The following NAA16 variants were observed in gnomAD, a reference collection of about 807,000 sequenced individuals.
NAA16 encodes NARG1-like protein.
Under a neutral mutation model 110.3 loss-of-function variants are expected in NAA16, and 97 were observed. The ratio of observed to expected loss-of-function variants is 0.88; its 90% CI spans 0.75 to 1.04. The LOEUF (loss-of-function observed/expected upper bound fraction) is 1.04, where lower values mean the gene tolerates loss of function less well. NAA16 is among the 50% of genes least tolerant of loss of function. The pLI is 0.00. For synonymous variants in NAA16, 372 were observed against 330.6 expected (o/e 1.13, Z -1.36); for missense variants, 1,017 against 1,005.1 (o/e 1.01, Z -0.16).
At chr13:41,362,202 A>AT (rs1160375508) in intron 13 of NAA16, 43 bp downstream of exon 13, 1 of 1,557,464 alleles carries the variant, frequency 6.4e-7, no homozygotes, top group East Asian at 2.3e-5. Flanking sequence ...CTGTAAGGTG[A>AT]TAAAAAGCAG....
Position 41,367,585 on chromosome 13 carries a change from T to C in NAA16, c.1686T>C (p.Ile562=), listed in dbSNP as rs2043231929. 7.4e-6 allele frequency: 12 copies of C among 1,613,340 alleles called. No individual in the cohort carries two copies. The highest frequency in any genetic ancestry group is 1.0e-5 in the Non-Finnish European group (12 of 1,179,688). ...ATTTCAAGGCTGCTAGATCAGCGAT[T>C]GAAATATACTTGAAATTGTATGATA... ...AFYFKAARSA[I]EIYLKLYDNP... is the part of the protein sequence containing the mutation. Residue 562 remains isoleucine, a synonymous_variant, in exon 14 of 20, where the codon ATT becomes ATC. Coordinates refer to ENST00000379406, the MANE Select transcript of NAA16 (RefSeq NM_024561.5).
At chr13:41,322,263 A>G (rs975601233) in intron 4 of NAA16, among the ~76,000 whole-genome samples, 2 of 152,158 alleles carry the variant, frequency 1.3e-5, no homozygotes, top group African/African-American at 2.4e-5. Context: ...GGACCCAGGA[A>G]GTACAGACAC....
chr13:41,321,710 C>T (rs2041950892), intron 4 of NAA16, among the ~76,000 whole-genome samples: 1 of 152,242 alleles, frequency 6.6e-6, no homozygotes, highest in Non-Finnish European at 1.5e-5. Flanking sequence ...CTCTCCTGGA[C>T]ATCTCCATGT....
intron 1 of NAA16, among the ~76,000 whole-genome samples, chr13:41,313,652 T>C (rs1462206363): frequency 1.3e-5 from 2 of 152,234 alleles, no homozygotes; most frequent in East Asian, 1.9e-4. Flanking sequence ...GTGGCTTGTA[T>C]CTGCATGTCT....
chr13:41,312,229 C>T (rs1350192122), intron 1 of NAA16, among the ~76,000 whole-genome samples: 2 of 152,212 alleles, frequency 1.3e-5, no homozygotes, highest in African/African-American at 4.8e-5. Flanking sequence ...TCACCAACTT[C>T]AAAACAGCTG....
intron 9 of NAA16, among the ~76,000 whole-genome samples, chr13:41,340,695 A>AGACG (rs2042517726): frequency 2.0e-5 from 2 of 102,036 alleles, no homozygotes; most frequent in Non-Finnish European, 3.5e-5. Flanking sequence ...TTTTTTTCCG[A>AGACG]GACGGAGTCT....
At chr13:41,328,344 G>A (rs997673304) in intron 6 of NAA16, among the ~76,000 whole-genome samples, 1 of 152,080 alleles carries the variant, frequency 6.6e-6, no homozygotes, top group Non-Finnish European at 1.5e-5. Flanking sequence ...TGATAGGAAA[G>A]ATATATTTAA....
In NAA16 at chr13:41,375,690, A is replaced by C; in HGVS notation, c.*88A>C. ...AGGGTGCATTTTAATATACGTATGA[A>C]ATGAAATATTTGGTTAGGATTTTTA... is the stretch of plus-strand genomic sequence containing the variant. On this transcript the variant is annotated 3_prime_UTR_variant, in exon 20 of 20. Transcript: ENST00000379406. The C allele has an allele frequency of 1.0e-6, 1 of 986,216 alleles. No homozygotes were observed. Among genetic ancestry groups the C allele is most frequent in the Non-Finnish European group, 1.5e-6 (1 of 673,474 alleles). 61.1% of individuals were successfully genotyped at this position (986,216 alleles called of 1,614,324 possible). A position where few individuals can be genotyped will look rare whatever the true frequency, so the allele number is the denominator to read the frequency against.
rs1372311459 is a variant in NAA16 at position 41,376,787 on chromosome 13, T to C, written c.*1185T>C. The C allele has an allele frequency of 6.6e-6, 1 of 152,238 alleles. No homozygotes were observed. The highest frequency in any genetic ancestry group is 1.5e-5 in the Non-Finnish European group (1 of 68,044). 9.4% of individuals were successfully genotyped at this position (152,238 alleles called of 1,614,324 possible). ...TTTTGGGGGCGGGTGGATAGCTTTT[T>C]GTTCTATCTTGTACAGAAAACAGTA... On this transcript the variant is annotated 3_prime_UTR_variant, in exon 20 of 20. Transcript: ENST00000379406.
chr13:41,373,890 G>A (rs2043374733), intron 18 of NAA16, 110 bp downstream of exon 18: 1 of 1,388,366 alleles, frequency 7.2e-7, no homozygotes, highest in Non-Finnish European at 9.3e-7. Flanking sequence ...TGTAAGTATG[G>A]GGAGAGAAAT....
intron 19 of NAA16, 111 bp downstream of exon 19, chr13:41,374,950 C>A: frequency 1.5e-6 from 1 of 658,582 alleles, no homozygotes; most frequent in Non-Finnish European, 2.7e-6. Context: ...ATGTTAATCC[C>A]AGCTCTATCA....
chr13:41,333,214 G>C (rs1043917947), intron 8 of NAA16, among the ~76,000 whole-genome samples: 1 of 152,078 alleles, frequency 6.6e-6, no homozygotes, highest in African/African-American at 2.4e-5. Context: ...AGATGCTTAG[G>C]CTTACATTTC....
At chr13:41,323,778 C>T (rs1299257379) in intron 5 of NAA16, among the ~76,000 whole-genome samples, 1 of 152,252 alleles carries the variant, frequency 6.6e-6, no homozygotes, top group East Asian at 1.9e-4. Context: ...AGCCACCACG[C>T]CTGCCTCCAC....
Position 41,316,894 on chromosome 13 carries a change from A to T in NAA16, c.103A>T (p.Met35Leu), listed in dbSNP as rs530214080. Residue 35 changes from methionine to leucine, a missense_variant, in exon 2 of 20, where the codon ATG becomes TTG. Coordinates refer to ENST00000379406, the MANE Select transcript of NAA16 (RefSeq NM_024561.5). ...QYKNGLKFCKMILSNPKFAEH... is the reference protein window; with the variant it reads ...QYKNGLKFCKLILSNPKFAEH... ...CAAAAATGGCCTCAAGTTTTGCAAGATGATTCTGTCGAACCCAAAATTTGC... is the reference window on the plus strand; with the variant it reads ...CAAAAATGGCCTCAAGTTTTGCAAGTTGATTCTGTCGAACCCAAAATTTGC... The T allele has an allele frequency of 3.7e-6, 6 of 1,613,854 alleles. No individual in the cohort carries two copies. The highest frequency in any genetic ancestry group is 3.3e-5 in the South Asian group (3 of 91,076).
intron 13 of NAA16, among the ~76,000 whole-genome samples, chr13:41,366,782 A>ATTAT (rs1335110877): frequency 2.0e-5 from 3 of 148,590 alleles, no homozygotes; most frequent in Non-Finnish European, 4.4e-5. Context: ...TTTAAAATAC[A>ATTAT]TTATTTGATC....
chr13:41,315,147 G>A (rs2041774446), intron 1 of NAA16, among the ~76,000 whole-genome samples: 2 of 152,200 alleles, frequency 1.3e-5, no homozygotes, highest in South Asian at 2.1e-4. Flanking sequence ...ATATGTTGGG[G>A]AAGGAAGGAG....
chr13:41,372,927 T>G, intron 17 of NAA16, 97 bp downstream of exon 17: 1 of 1,245,506 alleles, frequency 8.0e-7, no homozygotes, highest in Non-Finnish European at 1.0e-6. Flanking sequence ...TTAATAACCC[T>G]CTCTTTGTGA....
At chr13:41,339,712 C>A (rs2042484593) in intron 9 of NAA16, among the ~76,000 whole-genome samples, 1 of 152,104 alleles carries the variant, frequency 6.6e-6, no homozygotes, top group South Asian at 2.1e-4. Context: ...GTGCCTGTCA[C>A]CATGCCCAGC....
intron 2 of NAA16, among the ~76,000 whole-genome samples, chr13:41,317,399 A>G (rs560745409): frequency 9.9e-5 from 15 of 152,106 alleles, no homozygotes; most frequent in East Asian, 5.8e-4. Context: ...ATTAGATTGT[A>G]TATTTTGAGT....
Sources: gnomAD v4.1 joint callset for allele counts (sites outside exome capture counted in the v4.1 genomes callset) on GRCh38, gnomAD v4.1.1 for gene constraint, MANE v1.5 for transcripts, NCBI Gene and HGNC (gene_info 2026-07-23, HGNC 2026-07-21) for gene names.